CNTNAP5: variants seen among roughly 807,000 people sequenced by gnomAD.
CNTNAP5 encodes the protein contactin-associated protein-like 5.
In CNTNAP5, 72 loss-of-function variants were observed where a neutral mutation model predicts 150.2. The ratio of observed to expected loss-of-function variants is 0.48; its 90% CI spans 0.40 to 0.58. The LOEUF is 0.58. Ranked by LOEUF, CNTNAP5 falls within the 20% of genes least tolerant of loss-of-function variation. The pLI is 0.00. For missense variants in CNTNAP5, 1,636 were observed against 1,626.2 expected (o/e 1.01, Z -0.10); for synonymous variants, 672 against 619.8 (o/e 1.08, Z -1.25).
At chr2:124,341,672 G>A (rs1271648621) in intron 3 of CNTNAP5, among the ~76,000 whole-genome samples, 1 of 152,090 alleles carries the variant, frequency 6.6e-6, no homozygotes. Flanking sequence ...TGAAGTCTGC[G>A]GCAATCTATA....
chr2:124,622,269 C>T (rs186896672), intron 12 of CNTNAP5, among the ~76,000 whole-genome samples: 1 of 152,200 alleles, frequency 6.6e-6, no homozygotes, highest in Admixed American at 6.5e-5. Flanking sequence ...ATGGCTTCCA[C>T]CTCCATCCAT....
chr2:124,054,587 G>A (rs553416371), intron 1 of CNTNAP5, among the ~76,000 whole-genome samples: 9 of 151,936 alleles, frequency 5.9e-5, no homozygotes, highest in Non-Finnish European at 1.2e-4. Flanking sequence ...TGAGGAGAGA[G>A]GGAAGTAAAA....
intron 11 of CNTNAP5, among the ~76,000 whole-genome samples, chr2:124,587,687 C>G (rs1558965730): frequency 6.6e-6 from 1 of 152,112 alleles, no homozygotes. Flanking sequence ...CAGAAGGCCA[C>G]GTCTTTATAA....
At chr2:124,492,670 A>G (rs1175691686) in intron 7 of CNTNAP5, among the ~76,000 whole-genome samples, 2 of 152,180 alleles carry the variant, frequency 1.3e-5, no homozygotes, top group South Asian at 2.1e-4. Context: ...TTTGGGTAGT[A>G]TGAACATTGT....
At chr2:124,872,600 T>C (rs915410736) in intron 21 of CNTNAP5, among the ~76,000 whole-genome samples, 1 of 151,646 alleles carries the variant, frequency 6.6e-6, no homozygotes, top group Non-Finnish European at 1.5e-5. Context: ...AGAAGAAATA[T>C]AAATTTGAGC....
chr2:124,034,666 C>G (rs978662775), intron 1 of CNTNAP5, among the ~76,000 whole-genome samples: 2 of 152,072 alleles, frequency 1.3e-5, no homozygotes, highest in African/African-American at 2.4e-5. Context: ...GAGCACAGCC[C>G]CTCCAAAAAA....
chr2:124,791,877 T>A (rs1416239380), intron 18 of CNTNAP5, among the ~76,000 whole-genome samples: 1 of 152,182 alleles, frequency 6.6e-6, no homozygotes, highest in Non-Finnish European at 1.5e-5. Context: ...CTTCGTATTT[T>A]ACTATTTCCA....
intron 11 of CNTNAP5, among the ~76,000 whole-genome samples, chr2:124,569,919 G>A (rs1159566802): frequency 1.3e-5 from 2 of 152,184 alleles, no homozygotes; most frequent in African/African-American, 4.8e-5. Flanking sequence ...ATGTAGTTAT[G>A]TTAACTAACT....
At chr2:124,764,265 G>T in intron 16 of CNTNAP5, 118 bp downstream of exon 16, 1 of 753,404 alleles carries the variant, frequency 1.3e-6, no homozygotes. Flanking sequence ...CTGGACATCT[G>T]TAAAATTAGC....
chr2:124,170,757 T>C (rs1684911047), intron 1 of CNTNAP5, among the ~76,000 whole-genome samples: 1 of 151,512 alleles, frequency 6.6e-6, no homozygotes, highest in Admixed American at 6.6e-5. Flanking sequence ...AGAAAAATGA[T>C]TGGTGAAAAG....
chr2:124,399,687 T>C (rs1691354102), intron 3 of CNTNAP5, among the ~76,000 whole-genome samples: 1 of 152,090 alleles, frequency 6.6e-6, no homozygotes, highest in Admixed American at 6.5e-5. Flanking sequence ...CTGTGAGTAG[T>C]TTGTGGGGTT....
chr2:124,426,208 T>G (rs1046733075), intron 4 of CNTNAP5, among the ~76,000 whole-genome samples: 7 of 152,186 alleles, frequency 4.6e-5, no homozygotes, highest in African/African-American at 1.7e-4. Flanking sequence ...TGTTTTTTCA[T>G]GTGCTATCAT....
chr2:124,168,344 A>G (rs964940826), intron 1 of CNTNAP5, among the ~76,000 whole-genome samples: 2 of 152,182 alleles, frequency 1.3e-5, no homozygotes, highest in Non-Finnish European at 2.9e-5. Flanking sequence ...GTAAAGCTTT[A>G]TCGTGCTAAT....
intron 22 of CNTNAP5, among the ~76,000 whole-genome samples, chr2:124,908,864 T>C (rs1318985122): frequency 1.3e-5 from 2 of 151,880 alleles, no homozygotes; most frequent in East Asian, 3.9e-4. Flanking sequence ...TAACAGTAAA[T>C]AAATTTAAAA....
At position 124,713,273 on chromosome 2, in the gene CNTNAP5, CT is replaced by C. The variant is rs1296121830; in HGVS notation, c.2078-33953del. Among the ~76,000 whole-genome samples, 172 of 107,516 alleles carry C rather than the reference CT, an allele frequency of 1.6e-3. 2 individuals carry two copies. Among genetic ancestry groups the C allele is most frequent in the Middle Eastern group, 5.0e-3 (1 of 202 alleles). 70.5% of individuals were successfully genotyped at this position (107,516 alleles called of 152,430 possible). On this transcript the variant is annotated intron_variant, in intron 13 of 23. Coordinates refer to ENST00000682447, the MANE Select transcript of CNTNAP5 (RefSeq NM_001367498.1). ...TCTTTCTTTCTTTCTTTCTTTCTTT[CT>C]TTCTTTCTTTCTTTCTTTCTTTCTT...
At position 124,790,025 on chromosome 2, in the gene CNTNAP5, G is replaced by A. The variant is rs1202815439; in HGVS notation, c.2876G>A (p.Gly959Asp). 3 of 1,613,942 alleles carry A rather than the reference G, an allele frequency of 1.9e-6. No homozygotes were observed. The highest frequency in any genetic ancestry group is 2.2e-5 in the East Asian group (1 of 44,848). ...TCTGGAGTCAGGCCAGGCTGCCCCG[G>A]CCACTGCAGCAGCTACGGCAGCATC... ...VTSGVRPGCP[G>D]HCSSYGSICH... is the part of the protein sequence containing the mutation. The change falls in exon 18 of 24, where the codon GGC (glycine) becomes GAC (aspartate). Residue 959 changes from glycine to aspartate, a missense_variant. Coordinates refer to ENST00000682447, the MANE Select transcript of CNTNAP5 (RefSeq NM_001367498.1).
intron 13 of CNTNAP5, among the ~76,000 whole-genome samples, chr2:124,722,612 C>A (rs1680070884): frequency 6.6e-6 from 1 of 152,162 alleles, no homozygotes; most frequent in Non-Finnish European, 1.5e-5. Flanking sequence ...ACTGAAGTGG[C>A]AGCATTACCT....
chr2:124,309,131 A>C (rs1307400888), intron 3 of CNTNAP5, among the ~76,000 whole-genome samples: 1 of 152,218 alleles, frequency 6.6e-6, no homozygotes, highest in African/African-American at 2.4e-5. Context: ...AACTAATAAT[A>C]AAATAGGACG....
intron 1 of CNTNAP5, among the ~76,000 whole-genome samples, chr2:124,219,940 G>C (rs1020260964): frequency 4.0e-5 from 6 of 151,626 alleles, no homozygotes. Flanking sequence ...GATCTGGCTC[G>C]GTTTTGTATT....
Sources: gnomAD v4.1 joint callset for allele counts (sites outside exome capture counted in the v4.1 genomes callset) on GRCh38, gnomAD v4.1.1 for gene constraint, MANE v1.5 for transcripts, NCBI Gene and HGNC (gene_info 2026-07-23, HGNC 2026-07-21) for gene names.